ZBTB46: variants seen among roughly 807,000 people sequenced by gnomAD.
The protein encoded by ZBTB46 is zinc finger and BTB domain containing 46.
In ZBTB46, 8 loss-of-function variants were observed where a neutral mutation model predicts 44.1. The observed-to-expected ratio is 0.18, with a 90% CI of 0.11 to 0.33. The LOEUF (loss-of-function observed/expected upper bound fraction) is 0.33. Among genes scored for constraint, ZBTB46 ranks in the 10% least tolerant of loss-of-function variants. The pLI, the probability that ZBTB46 is intolerant of heterozygous loss-of-function variation, is 1.00. For missense variants in ZBTB46, 651 were observed against 847.7 expected (o/e 0.77, Z 2.88); for synonymous variants, 409 against 382.3 (o/e 1.07, Z -0.81).
At chr20:63,761,111 G>C (rs2092271466) in intron 3 of ZBTB46, among the ~76,000 whole-genome samples, 2 of 147,568 alleles carry the variant, frequency 1.4e-5, no homozygotes, top group Non-Finnish European at 3.0e-5. Flanking sequence ...CAATTCTCCT[G>C]CCTCAGCCTC....
intron 3 of ZBTB46, among the ~76,000 whole-genome samples, chr20:63,768,829 G>A (rs1422594218): frequency 1.3e-5 from 2 of 152,108 alleles, no homozygotes; most frequent in South Asian, 2.1e-4. Context: ...CCTCCGAGTC[G>A]GGGGTTGGCC....
chr20:63,832,797 T>C (rs548988309), upstream of ZBTB46, among the ~76,000 whole-genome samples: 6 of 152,034 alleles, frequency 3.9e-5, no homozygotes, highest in South Asian at 1.2e-3. This position sits in a 1 kb window ranked among gnomAD's most constrained non-coding sequence, Gnocchi z 5.0. Flanking sequence ...CTTCGGGAAG[T>C]GGGGGCTGAG....
At chr20:63,829,597 C>T (rs1253121774) in intron 1 of ZBTB46, among the ~76,000 whole-genome samples, 3 of 152,236 alleles carry the variant, frequency 2.0e-5, no homozygotes, top group African/African-American at 7.2e-5. Flanking sequence ...TCCCCTCACT[C>T]CTCAGTCCTT....
At chr20:63,772,382 C>T (rs1332141317) in intron 3 of ZBTB46, among the ~76,000 whole-genome samples, 1 of 152,190 alleles carries the variant, frequency 6.6e-6, no homozygotes, top group Non-Finnish European at 1.5e-5. Flanking sequence ...AAAAGACCCA[C>T]CAGCCAACTT....
At position 63,774,692 on chromosome 20, in the gene ZBTB46, TTTTTTGTTTTTTTTTTTG is replaced by T. The variant is rs1267095774; in HGVS notation, c.1222+968_1222+985del. 4.7e-4 allele frequency among the ~76,000 whole-genome samples: 10 copies of T among 21,188 alleles called. 1 individual carries two copies. The highest frequency in any genetic ancestry group is 3.8e-4 in the African/African-American group (2 of 5,308). 13.9% of individuals were successfully genotyped at this position (21,188 alleles called of 152,430 possible). A position where few individuals can be genotyped will look rare whatever the true frequency, so the allele number is the denominator to read the frequency against. On this transcript the variant is annotated intron_variant, in intron 3 of 4. Transcript: ENST00000245663. ...GGCTGGGGGCTGGCTGCGGTGGGTT[TTTTTTGTTTTTTTTTTTG>T]TTTTTTTTTTTGAGACAGAGTCTCC...
intron 1 of ZBTB46, among the ~76,000 whole-genome samples, chr20:63,806,448 T>G (rs2092682343): frequency 6.6e-6 from 1 of 151,102 alleles, no homozygotes; most frequent in Non-Finnish European, 1.5e-5. Context: ...CTAATCAGCT[T>G]AACAAGGCAA....
intron 3 of ZBTB46, chr20:63,769,113 G>C: frequency 1.2e-6 from 1 of 814,650 alleles, no homozygotes; most frequent in Non-Finnish European, 1.5e-6. Flanking sequence ...ATGGAGAGCA[G>C]GTGCCACCAA....
rs4809367 is a variant in ZBTB46, at chr20:63,829,952, C to A, written c.-34+1145G>T. Among the ~76,000 whole-genome samples, 4 of 152,190 alleles carry A rather than the reference C, an allele frequency of 2.6e-5. No individual in the cohort carries two copies. In the South Asian group the frequency reaches 6.2e-4, roughly 24 times the overall value. ...CGCACAGGTGTCTGCGCCCAGGCCG[C>A]GCGCTAAACACGTTTCTAATTAGCA... On this transcript the variant is annotated intron_variant, in intron 1 of 4. Coordinates refer to ENST00000245663, the MANE Select transcript of ZBTB46 (RefSeq NM_001369741.1).
intron 2 of ZBTB46, among the ~76,000 whole-genome samples, chr20:63,783,395 C>T (rs2092486865): frequency 1.3e-5 from 2 of 152,238 alleles, no homozygotes; most frequent in South Asian, 4.1e-4. Flanking sequence ...CGCCATTGCA[C>T]TCCAGCCTGG....
At chr20:63,757,646 T>A (rs2092232933) in intron 3 of ZBTB46, among the ~76,000 whole-genome samples, 1 of 152,164 alleles carries the variant, frequency 6.6e-6, no homozygotes, top group Non-Finnish European at 1.5e-5. Context: ...CTTTCCAAGA[T>A]CACCTTAGCC....
At position 63,822,406 on chromosome 20, in the gene ZBTB46, G is replaced by A. The variant is rs1338542488; in HGVS notation, c.-34+8691C>T. On this transcript the variant is annotated intron_variant, in intron 1 of 4. Transcript: ENST00000245663. ...GGGGTGCTCTCCCTAGAGCTGACAC[G>A]TGTACACGCATGCAAAACCCAGCCC... Among the ~76,000 whole-genome samples the A allele has an allele frequency of 2.0e-5, 3 of 152,158 alleles. No homozygotes were observed. In the South Asian group the frequency reaches 6.2e-4, roughly 31 times the overall value.
At position 63,814,241 on chromosome 20, in the gene ZBTB46, AAAAAAAAGAAAAG is replaced by A. The variant is rs1327724695; in HGVS notation, c.-34+16843_-34+16855del. On this transcript the variant is annotated intron_variant, in intron 1 of 4. Coordinates refer to ENST00000245663, the MANE Select transcript of ZBTB46 (RefSeq NM_001369741.1). ...AAGCAAGACTCCGTCTCAAAAAAAA[AAAAAAAAGAAAAG>A]AAAAAAAGAAAGGAAAAAGAAAAAA... Among the ~76,000 whole-genome samples, 20 of 151,784 alleles carry A rather than the reference AAAAAAAAGAAAAG, an allele frequency of 1.3e-4. No individual in the cohort carries two copies. In the East Asian group the frequency reaches 3.1e-3, roughly 23 times the overall value.
At position 63,746,857 on chromosome 20, in the gene ZBTB46, G is replaced by C; in HGVS notation, c.*73C>G. 7.0e-7 allele frequency: 1 copy of C among 1,427,638 alleles called. No individual in the cohort carries two copies. Among genetic ancestry groups the C allele is most frequent in the Non-Finnish European group, 9.1e-7 (1 of 1,094,034 alleles). The allele number at this position is 1,427,638 out of a possible 1,614,324, so 88.4% of individuals were successfully genotyped here. On this transcript the variant is annotated 3_prime_UTR_variant, in exon 5 of 5. Transcript: ENST00000245663. The stretch of plus-strand genomic sequence containing the variant: ...GAGGGGTGAGCGTGGCCCTGGCCCC[G>C]CAGTGGAGACCCACCGGACACACAC...
At chr20:63,760,828 G>A (rs1272828791) in intron 3 of ZBTB46, among the ~76,000 whole-genome samples, 1 of 150,494 alleles carries the variant, frequency 6.6e-6, no homozygotes, top group Non-Finnish European at 1.5e-5. Flanking sequence ...TTTGGGGTTT[G>A]CCCAGGCTGG....
intron 1 of ZBTB46, among the ~76,000 whole-genome samples, chr20:63,823,685 G>A (rs559181039): frequency 4.9e-4 from 75 of 152,036 alleles, no homozygotes; most frequent in South Asian, 2.9e-3. Context: ...GCAACAGAAC[G>A]AGGCCCCTTC....
rs765220199 is a variant in ZBTB46, at chr20:63,747,179, G to A, written c.1521C>T (p.Arg507=). The A allele has an allele frequency of 1.3e-4, 214 of 1,608,798 alleles. No individual in the cohort carries two copies. In the Admixed American group the frequency reaches 2.9e-3, roughly 22 times the overall value. The part of the protein sequence containing the change: ...RHGVCTDCAG[R]GMAGPLDHGG... ...CATGGTCCAGGGGCCCGGCCATGCC[G>A]CGGCCAGCACAGTCGGTGCACACAC... Residue 507 remains arginine (R), a synonymous_variant, in exon 5 of 5, where the codon CGC becomes CGT. Coordinates refer to ENST00000245663, the MANE Select transcript of ZBTB46 (RefSeq NM_001369741.1).
intron 2 of ZBTB46, among the ~76,000 whole-genome samples, chr20:63,784,657 G>A (rs1400937094): frequency 1.3e-5 from 2 of 152,228 alleles, no homozygotes; most frequent in Non-Finnish European, 2.9e-5. Context: ...GGGAGGCACG[G>A]GCCTGCCTGC....
rs2145732176 is a variant in ZBTB46 at position 63,745,165 on chromosome 20, G to C, written c.*1765C>G. Reference sequence around the variant, plus strand: ...CACCTTGCTCGGTAAGAGTGGGCAGGGCTCACCGCTGAGGGGCCAGCGCTT... The same window carrying C: ...CACCTTGCTCGGTAAGAGTGGGCAGCGCTCACCGCTGAGGGGCCAGCGCTT... On this transcript the variant is annotated 3_prime_UTR_variant, in exon 5 of 5. Transcript: ENST00000245663. 1 of 152,368 alleles carries C rather than the reference G, an allele frequency of 6.6e-6. No individual in the cohort carries two copies. Among genetic ancestry groups the C allele is most frequent in the Non-Finnish European group, 1.5e-5 (1 of 68,034 alleles). The allele number at this position is 152,368 out of a possible 1,614,324, so 9.4% of individuals were successfully genotyped here.
intron 1 of ZBTB46, among the ~76,000 whole-genome samples, chr20:63,823,280 C>T (rs551211300): frequency 2.0e-5 from 3 of 150,272 alleles, no homozygotes; most frequent in Non-Finnish European, 3.0e-5. Context: ...GGTGCACTCG[C>T]GCTCAGGAGT....
Sources: allele counts gnomAD v4.1 joint callset (sites outside exome capture counted in the v4.1 genomes callset), GRCh38; gene constraint gnomAD v4.1.1; non-coding constraint Gnocchi (gnomAD v3.1); transcripts MANE v1.5; gene names NCBI Gene and HGNC (gene_info 2026-07-23, HGNC 2026-07-21).